ALK: variants seen among roughly 807,000 people sequenced by gnomAD.
The protein encoded by ALK is ALK receptor tyrosine kinase.
Under a neutral mutation model 163.1 loss-of-function variants are expected in ALK, and 74 were observed. The ratio of observed to expected loss-of-function variants is 0.45; its 90% CI spans 0.38 to 0.55. The LOEUF (loss-of-function observed/expected upper bound fraction) is 0.55. Ranked by LOEUF, ALK falls within the 20% of genes least tolerant of loss-of-function variation. ALK has a pLI of 0.00. For synonymous variants in ALK, 960 were observed against 843.2 expected (o/e 1.14, Z -2.40); for missense variants, 2,063 against 2,105.3 (o/e 0.98, Z 0.39).
At chr2:29,536,770 T>C (rs1007757408) in intron 3 of ALK, among the ~76,000 whole-genome samples, 4 of 152,156 alleles carry the variant, frequency 2.6e-5, no homozygotes, top group African/African-American at 9.7e-5. Context: ...GATAGAAATA[T>C]GGACAGTGAA....
At chr2:29,289,404 T>C (rs954673391) in intron 9 of ALK, among the ~76,000 whole-genome samples, 3 of 152,206 alleles carry the variant, frequency 2.0e-5, no homozygotes, top group African/African-American at 4.8e-5. Flanking sequence ...CAATGTAATT[T>C]ACCCTGCATG....
intron 3 of ALK, among the ~76,000 whole-genome samples, chr2:29,605,971 GA>G (rs35483903): frequency 0.8 from 120,824 of 151,894 alleles, 48,407 homozygotes; most frequent in African/African-American, 0.9. Flanking sequence ...GGGTCCCAAA[GA>G]AAAAAATCTT....
chr2:29,196,081 A>G (rs948417523), intron 28 of ALK, among the ~76,000 whole-genome samples: 4 of 152,174 alleles, frequency 2.6e-5, no homozygotes, highest in African/African-American at 9.7e-5. Context: ...AGAAGCAAAA[A>G]TTTCGAGTCG....
At chr2:29,629,486 C>T (rs1676295457) in intron 3 of ALK, among the ~76,000 whole-genome samples, 1 of 152,128 alleles carries the variant, frequency 6.6e-6, no homozygotes, top group Admixed American at 6.6e-5. Flanking sequence ...ACATACTGGT[C>T]AGAGTTTTCC....
intron 1 of ALK, among the ~76,000 whole-genome samples, chr2:29,748,310 C>G (rs376466054): frequency 1.3e-5 from 2 of 152,212 alleles, no homozygotes; most frequent in African/African-American, 4.8e-5. Flanking sequence ...TAGAATGACA[C>G]TTTCTACTCA....
At chr2:29,472,052 G>T (rs1024627189) in intron 4 of ALK, among the ~76,000 whole-genome samples, 6 of 152,158 alleles carry the variant, frequency 3.9e-5, no homozygotes, top group African/African-American at 1.4e-4. Flanking sequence ...CGATGTTGAT[G>T]ACTTTCAAGG....
intron 3 of ALK, among the ~76,000 whole-genome samples, chr2:29,651,854 T>A (rs1280949786): frequency 6.6e-6 from 1 of 152,170 alleles, no homozygotes; most frequent in African/African-American, 2.4e-5. Context: ...ACCATAAATA[T>A]CTTTTAGAAC....
At chr2:29,668,393 G>A (rs954634360) in intron 3 of ALK, among the ~76,000 whole-genome samples, 2 of 151,594 alleles carry the variant, frequency 1.3e-5, no homozygotes, top group East Asian at 1.9e-4. Flanking sequence ...GGTATTTATT[G>A]CTATAAACTC....
At chr2:29,325,941 A>G (rs991357849) in intron 6 of ALK, among the ~76,000 whole-genome samples, 2 of 152,238 alleles carry the variant, frequency 1.3e-5, no homozygotes, top group Non-Finnish European at 2.9e-5. Flanking sequence ...TGGGGAACAC[A>G]GCAAAAATGC....
chr2:29,750,324 A>G (rs371513837), intron 1 of ALK, among the ~76,000 whole-genome samples: 30 of 152,282 alleles, frequency 2.0e-4, no homozygotes, highest in African/African-American at 7.2e-4. Context: ...TACTGTAGAC[A>G]ACTGTATAAC....
At chr2:29,758,164 C>T (rs1012172851) in intron 1 of ALK, among the ~76,000 whole-genome samples, 2 of 151,912 alleles carry the variant, frequency 1.3e-5, no homozygotes, top group African/African-American at 4.8e-5. Flanking sequence ...GCATGTGCCA[C>T]CATACCTGGC....
At chr2:29,552,213 G>A (rs1339704131) in intron 3 of ALK, among the ~76,000 whole-genome samples, 2 of 152,090 alleles carry the variant, frequency 1.3e-5, no homozygotes, top group Admixed American at 6.6e-5. Flanking sequence ...TTAAGGTCAT[G>A]GTATGTGTAT....
chr2:29,508,733 C>CAAAAAAAAAAA (rs60719550), intron 4 of ALK, among the ~76,000 whole-genome samples: 5 of 65,498 alleles, frequency 7.6e-5, no homozygotes, highest in Non-Finnish European at 1.0e-4. Context: ...ATCTGCAACT[C>CAAAAAAAAAAA]AAAAAAAAAA....
At chr2:29,484,497 C>G (rs1437087515) in intron 4 of ALK, among the ~76,000 whole-genome samples, 1 of 152,142 alleles carries the variant, frequency 6.6e-6, no homozygotes, top group Non-Finnish European at 1.5e-5. Context: ...TAAGTATAGA[C>G]TGAACACCAC....
intron 13 of ALK, among the ~76,000 whole-genome samples, chr2:29,236,188 T>G (rs555115840): frequency 1.3e-5 from 2 of 152,064 alleles, no homozygotes; most frequent in Admixed American, 1.3e-4. Flanking sequence ...TGGGCTATAC[T>G]TGGTGAGGCA....
chr2:29,404,026 G>A (rs1032251692), intron 4 of ALK, among the ~76,000 whole-genome samples: 5 of 151,816 alleles, frequency 3.3e-5, no homozygotes, highest in Admixed American at 2.0e-4. Flanking sequence ...GTTGTAGGCC[G>A]GGCATGTTAG....
intron 4 of ALK, among the ~76,000 whole-genome samples, chr2:29,510,440 C>T (rs1252616984): frequency 6.6e-6 from 1 of 150,642 alleles, no homozygotes; most frequent in Non-Finnish European, 1.5e-5. Flanking sequence ...CTTGTTTCTA[C>T]AATGATTATG....
At chr2:29,902,202 A>G (rs977172540) in intron 1 of ALK, among the ~76,000 whole-genome samples, 1 of 152,134 alleles carries the variant, frequency 6.6e-6, no homozygotes, top group East Asian at 1.9e-4. Flanking sequence ...CCAGGTGCAA[A>G]TTGAACTCAA....
At chr2:29,275,782 G>A (rs1665533258) in intron 9 of ALK, among the ~76,000 whole-genome samples, 1 of 152,156 alleles carries the variant, frequency 6.6e-6, no homozygotes, top group Admixed American at 6.5e-5. Context: ...CTGATAATCT[G>A]AGGAGAAATC....
Sources: gnomAD v4.1 joint callset for allele counts (sites outside exome capture counted in the v4.1 genomes callset) on GRCh38, gnomAD v4.1.1 for gene constraint, MANE v1.5 for transcripts, NCBI Gene and HGNC (gene_info 2026-07-23, HGNC 2026-07-21) for gene names.